MED20: variants seen among roughly 807,000 people sequenced by gnomAD.
MED20 encodes mediator of RNA polymerase II transcription subunit 20.
In MED20, 19 loss-of-function variants were observed where a neutral mutation model predicts 19.7. That is an observed-to-expected ratio of 0.96 (90% confidence interval 0.67 to 1.42). MED20 has a LOEUF of 1.42. MED20 is among the 40% of genes most tolerant of loss of function. MED20 has a pLI of 0.00. For missense variants in MED20, 225 were observed against 273.0 expected (o/e 0.82, Z 1.24); for synonymous variants, 105 against 104.8 (o/e 1.00, Z -0.01).
chr6:41,917,673 G>GAC (rs1353061602), intron 1 of MED20: 1 of 436,632 alleles, frequency 2.3e-6, no homozygotes, highest in African/African-American at 2.0e-5. Context: ...GATTCTAGAT[G>GAC]ACACACGGAC....
intron 2 of MED20, among the ~76,000 whole-genome samples, chr6:41,916,321 T>C (rs1354590985): frequency 2.0e-5 from 3 of 152,034 alleles, no homozygotes; most frequent in Admixed American, 2.0e-4. Flanking sequence ...GGCTCACGCC[T>C]GTAATCCCAG....
intron 2 of MED20, among the ~76,000 whole-genome samples, chr6:41,911,438 G>A (rs549439742): frequency 3.3e-5 from 5 of 152,078 alleles, no homozygotes; most frequent in Non-Finnish European, 5.9e-5. Flanking sequence ...GGCATGAGCC[G>A]CCACGCCCAG....
intron 1 of MED20, 51 bp from the exon 2 acceptor site, chr6:41,916,990 C>T (rs1775331998): frequency 6.2e-7 from 1 of 1,600,988 alleles, no homozygotes; most frequent in Admixed American, 1.7e-5. Context: ...CACGTGTGCT[C>T]ACTGAGCCAT....
At chr6:41,917,932 G>C (rs779249746) in intron 1 of MED20, 3 of 308,294 alleles carry the variant, frequency 9.7e-6, no homozygotes, top group South Asian at 5.0e-5. Context: ...AACAAAAAAA[G>C]AAAAGCAGTC....
At chr6:41,918,366 T>C (rs570896255) in intron 1 of MED20, among the ~76,000 whole-genome samples, 68 of 150,396 alleles carry the variant, frequency 4.5e-4, no homozygotes, top group Middle Eastern at 3.5e-3. Flanking sequence ...TAGCCAGGCA[T>C]GGTGGTGTGC....
chr6:41,913,011 G>A (rs1423232071), intron 2 of MED20: 1 of 151,896 alleles, frequency 6.6e-6, no homozygotes, highest in Admixed American at 6.6e-5. Flanking sequence ...TTAGGATGCT[G>A]GGGCTGGAGG....
At chr6:41,912,237 TACCA>T in intron 2 of MED20, among the ~76,000 whole-genome samples, 1 of 147,588 alleles carries the variant, frequency 6.8e-6, no homozygotes. Context: ...GATGAGGTCT[TACCA>T]TCTTGCCTAG....
intron 3 of MED20, 42 bp downstream of exon 3, chr6:41,909,227 C>A (rs888757494): frequency 6.3e-7 from 1 of 1,586,560 alleles, no homozygotes; most frequent in Admixed American, 1.8e-5. Flanking sequence ...TGCTAAGCAG[C>A]CCCCTCAGAA....
rs1309865021 is a variant in MED20 at position 41,906,570 on chromosome 6, G to C, written c.*502C>G. Reference sequence around the variant, plus strand: ...ACTTCAGCAAACAGGTCAGAAAATAGTAACTATCAAACCAGTTGTGCCTTC... The same window carrying C: ...ACTTCAGCAAACAGGTCAGAAAATACTAACTATCAAACCAGTTGTGCCTTC... On this transcript the variant is annotated 3_prime_UTR_variant, in exon 4 of 4. Coordinates refer to ENST00000265350, the MANE Select transcript of MED20 (RefSeq NM_004275.5). 6.5e-6 allele frequency: 1 copy of C among 154,876 alleles called. No individual in the cohort carries two copies. Among genetic ancestry groups the C allele is most frequent in the South Asian group, 2.0e-4 (1 of 5,036 alleles). 9.6% of individuals were successfully genotyped at this position (154,876 alleles called of 1,614,324 possible).
intron 2 of MED20, among the ~76,000 whole-genome samples, chr6:41,914,119 T>G (rs1775258805): frequency 6.6e-6 from 1 of 152,080 alleles, no homozygotes; most frequent in Admixed American, 6.5e-5. Context: ...CCAAACAGGA[T>G]GGTGGCACAA....
At chr6:41,909,634 A>G (rs1180730252) in intron 2 of MED20, 112 bp from the exon 3 acceptor site, 58 of 1,480,400 alleles carry the variant, frequency 3.9e-5, no homozygotes, top group Non-Finnish European at 5.3e-5. Flanking sequence ...GCACTACCTC[A>G]GCAGTTCTTG....
chr6:41,910,551 G>A (rs2127375805), intron 2 of MED20, among the ~76,000 whole-genome samples: 1 of 150,788 alleles, frequency 6.6e-6, no homozygotes, highest in East Asian at 2.0e-4. Context: ...AGAATCACCT[G>A]AACCCAGGAG....
chr6:41,905,956 C>G lies in MED20; in HGVS notation c.*1116G>C, dbSNP rs749958887. ...TCTGAGATCAGCCCTTCTCTCAAGT[C>G]AACTCATAAACAAATGCTTTAGTTA... On this transcript the variant is annotated 3_prime_UTR_variant, in exon 4 of 4. Coordinates refer to ENST00000265350, the MANE Select transcript of MED20 (RefSeq NM_004275.5). The G allele has an allele frequency of 6.6e-6, 1 of 152,178 alleles. No homozygotes were observed. The highest frequency in any genetic ancestry group is 1.5e-5 in the Non-Finnish European group (1 of 68,032). 9.4% of individuals were successfully genotyped at this position (152,178 alleles called of 1,614,324 possible).
chr6:41,909,016 C>A, intron 3 of MED20: 1 of 517,378 alleles, frequency 1.9e-6, no homozygotes, highest in Non-Finnish European at 3.4e-6. Context: ...GACCTCATTT[C>A]TACTAAAAAA....
At chr6:41,908,667 A>AT (rs1775114186) in intron 3 of MED20, among the ~76,000 whole-genome samples, 1 of 152,160 alleles carries the variant, frequency 6.6e-6, no homozygotes, top group African/African-American at 2.4e-5. Flanking sequence ...CTGTCCCTCC[A>AT]TATCATAACT....
rs1775131636 is a variant in MED20 at position 41,909,317 on chromosome 6, C to T, written c.375G>A (p.Lys125=). Residue 125 remains lysine, a synonymous_variant, in exon 3 of 4, where the codon AAG becomes AAA. Transcript: ENST00000265350. ...TGGGCCCCATTGTGACCGTGCCCAC[C>T]TTCACCAGGAAGTCACAGTACTGGT... ...TRYQYCDFLV[K]VGTVTMGPSA... is the part of the protein sequence containing the mutation. 3 of 1,614,184 alleles carry T rather than the reference C, an allele frequency of 1.9e-6. No homozygotes were observed. Among genetic ancestry groups the T allele is most frequent in the African/African-American group, 2.7e-5 (2 of 75,036 alleles).
At chr6:41,914,007 G>C (rs1204484906) in intron 2 of MED20, among the ~76,000 whole-genome samples, 1 of 152,162 alleles carries the variant, frequency 6.6e-6, no homozygotes, top group Non-Finnish European at 1.5e-5. Context: ...TTATAGATGA[G>C]AGAACTGTAC....
intron 3 of MED20, among the ~76,000 whole-genome samples, chr6:41,908,095 T>A (rs1469987991): frequency 6.6e-6 from 1 of 152,228 alleles, no homozygotes; most frequent in East Asian, 1.9e-4. Context: ...TCTATCCCCA[T>A]GTCTCTACAT....
At chr6:41,909,608 G>A (rs1168578356) in intron 2 of MED20, 86 bp from the exon 3 acceptor site, 6 of 1,553,644 alleles carry the variant, frequency 3.9e-6, no homozygotes, top group East Asian at 4.5e-5. Flanking sequence ...CCGGAATGAG[G>A]CCAGACAGCA....
Sources: allele counts gnomAD v4.1 joint callset (sites outside exome capture counted in the v4.1 genomes callset), GRCh38; gene constraint gnomAD v4.1.1; transcripts MANE v1.5; gene names NCBI Gene and HGNC (gene_info 2026-07-23, HGNC 2026-07-21).